The following KCNAB2 variants were observed in gnomAD, a reference collection of about 807,000 sequenced individuals.
KCNAB2 encodes potassium voltage-gated channel subfamily A regulatory beta subunit 2, also known as voltage-gated potassium channel subunit beta-2.
Under a neutral mutation model 63.6 loss-of-function variants are expected in KCNAB2, and 29 were observed. That is an observed-to-expected ratio of 0.46 (90% CI 0.34 to 0.62). The LOEUF (loss-of-function observed/expected upper bound fraction) is 0.62. Among genes scored for constraint, KCNAB2 ranks in the 20% least tolerant of loss-of-function variants. The pLI is 0.01. For missense variants in KCNAB2, 359 were observed against 563.9 expected, an observed-to-expected ratio of 0.64 and a Z score of 3.68; for synonymous variants, 222 against 224.2, an observed-to-expected ratio of 0.99 and a Z score of 0.09.
intron 2 of KCNAB2, among the ~76,000 whole-genome samples, chr1:6,066,420 T>C (rs986126061): frequency 3.3e-5 from 5 of 152,242 alleles, no homozygotes; most frequent in African/African-American, 1.2e-4. Context: ...CGGGAGGGGC[T>C]GTGCTTAGTG....
rs1321326938 is a variant in KCNAB2, at chr1:6,069,203, G to T, written c.219-3552G>T. The stretch of plus-strand genomic sequence containing the variant: ...TGCACGGAGCAGACAGGCGAGCAGG[G>T]CACTAACAGGAGCCACCCCATGTGC... On this transcript the variant is annotated intron_variant, in intron 2 of 15. Coordinates refer to ENST00000378083, the MANE Select transcript of KCNAB2 (RefSeq NM_001199862.2). This position sits in a 1 kb window ranked among gnomAD's most constrained non-coding sequence, Gnocchi z 5.4. Among the ~76,000 whole-genome samples the T allele has an allele frequency of 6.6e-6, 1 of 152,186 alleles. No homozygotes were observed. Among genetic ancestry groups the T allele is most frequent in the Non-Finnish European group, 1.5e-5 (1 of 68,034 alleles).
At chr1:6,067,391 G>A (rs1472304024) in intron 2 of KCNAB2, among the ~76,000 whole-genome samples, 2 of 152,208 alleles carry the variant, frequency 1.3e-5, no homozygotes, top group Admixed American at 1.3e-4. Context: ...AATCTTCTGG[G>A]TTTATAGCTG....
At chr1:6,013,647 CCT>C (rs1338217358) in intron 1 of KCNAB2, among the ~76,000 whole-genome samples, 1 of 152,146 alleles carries the variant, frequency 6.6e-6, no homozygotes, top group Admixed American at 6.5e-5. Flanking sequence ...CACCTGCACC[CCT>C]GTCTTCCCCC....
chr1:6,052,129 G>T (rs1382850925), intron 2 of KCNAB2, among the ~76,000 whole-genome samples: 1 of 151,316 alleles, frequency 6.6e-6, no homozygotes. Flanking sequence ...ATGTATAAAG[G>T]AAGAAAATGA....
chr1:6,095,829 T>G lies in KCNAB2; in HGVS notation c.948+205T>G, dbSNP rs548770506. ...CCATGTGTAGAGGGGCTGCCCAGCC[T>G]GTGGCACAGGCCCAAGTGGAGAGGC... On this transcript the variant is annotated intron_variant, in intron 13 of 15. Coordinates refer to ENST00000378083, the MANE Select transcript of KCNAB2 (RefSeq NM_001199862.2). 4.7e-4 allele frequency among the ~76,000 whole-genome samples: 71 copies of G among 151,542 alleles called. 1 individual carries two copies. Among genetic ancestry groups the G allele is most frequent in the Admixed American group, 2.4e-3 (36 of 15,248 alleles).
At position 6,020,287 on chromosome 1, in the gene KCNAB2, GAGA is replaced by G. The variant is rs1366871884; in HGVS notation, c.-52-20225_-52-20223del. Among the ~76,000 whole-genome samples the G allele has an allele frequency of 1.4e-4, 22 of 152,268 alleles. 1 individual carries two copies. Among genetic ancestry groups the G allele is most frequent in the Non-Finnish European group, 2.9e-4 (20 of 68,024 alleles). Reference sequence around the variant, plus strand: ...AACCACTGTGAGGTCCCCATTAAAGGAGAAGAATTTTGGTGGTCCCCAGACAGG... The same window carrying G: ...AACCACTGTGAGGTCCCCATTAAAGGAGAATTTTGGTGGTCCCCAGACAGG... On this transcript the variant is annotated intron_variant, in intron 1 of 16. Coordinates refer to the KCNAB2 transcript ENST00000341524.
At position 6,096,427 on chromosome 1, in the gene KCNAB2, C is replaced by G. The variant is rs1557517927; in HGVS notation, c.949-209C>G. ...TGCACTTCAGAGCCTGGACAGGCCCCGCTCATCCACCAGCCCGTGCCCGGC... is the reference window on the plus strand; with the variant it reads ...TGCACTTCAGAGCCTGGACAGGCCCGGCTCATCCACCAGCCCGTGCCCGGC... On this transcript the variant is annotated intron_variant, in intron 13 of 15. Transcript: ENST00000378083. This position sits in a 1 kb window ranked among gnomAD's most constrained non-coding sequence, Gnocchi z 5.9. 1 of 643,064 alleles carries G rather than the reference C, an allele frequency of 1.6e-6. No individual in the cohort carries two copies. The highest frequency in any genetic ancestry group is 2.0e-5 in the South Asian group (1 of 49,836). 39.8% of individuals were successfully genotyped at this position (643,064 alleles called of 1,614,324 possible).
chr1:6,015,560 T>C (rs1658443254), intron 1 of KCNAB2, among the ~76,000 whole-genome samples: 1 of 152,256 alleles, frequency 6.6e-6, no homozygotes, highest in Non-Finnish European at 1.5e-5. Context: ...TGCCCTTCCC[T>C]GCCATAGCTG....
At chr1:6,022,594 C>G (rs1658911159) in intron 1 of KCNAB2, among the ~76,000 whole-genome samples, 1 of 152,120 alleles carries the variant, frequency 6.6e-6, no homozygotes, top group African/African-American at 2.4e-5. Flanking sequence ...TCTCCAGAAC[C>G]TTTTTATTCT....
chr1:6,086,189 C>T lies in KCNAB2; in HGVS notation c.425+941C>T. 2.0e-6 allele frequency: 2 copies of T among 985,290 alleles called. No individual in the cohort carries two copies. Among genetic ancestry groups the T allele is most frequent in the Non-Finnish European group, 2.4e-6 (2 of 829,816 alleles). 61.0% of individuals were successfully genotyped at this position (985,290 alleles called of 1,614,324 possible). ...CAGAAGCAGTTATAAAGTTGGGCCT[C>T]CCTCCTCCCTCCCCTCGAAATGCCA... On this transcript the variant is annotated intron_variant, in intron 6 of 15. Coordinates refer to ENST00000378083, the MANE Select transcript of KCNAB2 (RefSeq NM_001199862.2). This position sits in a 1 kb window ranked among gnomAD's most constrained non-coding sequence, Gnocchi z 4.2.
chr1:6,015,040 T>G (rs867748783), intron 1 of KCNAB2, among the ~76,000 whole-genome samples: 79 of 145,026 alleles, frequency 5.4e-4, no homozygotes, highest in African/African-American at 1.9e-3. Context: ...TTTTTTTTTT[T>G]TTGTTTTTTG....
In KCNAB2 at chr1:6,028,504, A is replaced by G. The variant is rs1364605900; in HGVS notation, c.-52-12013A>G. Among the ~76,000 whole-genome samples the G allele has an allele frequency of 1.3e-5, 2 of 152,222 alleles. No homozygotes were observed. The highest frequency in any genetic ancestry group is 4.8e-5 in the African/African-American group (2 of 41,458). ...AGTCCTCGCCCCGAGGCCTTCCGGA[A>G]GACACCCAGGACGTCACACCTAGCC... On this transcript the variant is annotated intron_variant, in intron 1 of 16. Transcript: ENST00000341524. The surrounding 1 kb of genome is among the most constrained non-coding windows in gnomAD (Gnocchi z 4.0).
rs545111640 is a variant in KCNAB2 at position 6,059,469 on chromosome 1, C to T, written c.218+7715C>T. Among the ~76,000 whole-genome samples the T allele has an allele frequency of 1.2e-3, 185 of 152,296 alleles. 1 individual carries two copies. The highest frequency in any genetic ancestry group is 4.5e-3 in the African/African-American group (185 of 41,554). ...CCTCCCAAAGTGCTGAGATTATAGG[C>T]ATGAGCCACTGTGCCCAGCCACACC... On this transcript the variant is annotated intron_variant, in intron 2 of 15. Coordinates refer to ENST00000378083, the MANE Select transcript of KCNAB2 (RefSeq NM_001199862.2).
At chr1:6,052,725 A>C (rs1661497613) in intron 2 of KCNAB2, among the ~76,000 whole-genome samples, 1 of 152,172 alleles carries the variant, frequency 6.6e-6, no homozygotes, top group South Asian at 2.1e-4. Context: ...TGTGAGAGCC[A>C]TTCAGCCAAA....
chr1:6,014,157 A>G (rs562755235), intron 1 of KCNAB2, among the ~76,000 whole-genome samples: 2 of 152,354 alleles, frequency 1.3e-5, no homozygotes, highest in Non-Finnish European at 1.5e-5. Context: ...CAGCTCTGAC[A>G]TCGCTGCCCA....
At chr1:6,006,762 G>GC (rs1657818989) in intron 1 of KCNAB2, among the ~76,000 whole-genome samples, 1 of 147,044 alleles carries the variant, frequency 6.8e-6, no homozygotes, top group Non-Finnish European at 1.5e-5. Context: ...TCACCCCTCA[G>GC]TGCTCTGTCA....
chr1:6,010,623 A>C (rs1658095251), intron 1 of KCNAB2, among the ~76,000 whole-genome samples: 1 of 152,138 alleles, frequency 6.6e-6, no homozygotes, highest in East Asian at 1.9e-4. Flanking sequence ...CAGTTCCTTT[A>C]GTTCACAGCC....
intron 11 of KCNAB2, among the ~76,000 whole-genome samples, chr1:6,094,930 C>G (rs1665493627): frequency 6.6e-6 from 1 of 152,246 alleles, no homozygotes; most frequent in Non-Finnish European, 1.5e-5. Flanking sequence ...CAGGGACCCT[C>G]TCACATGCAA....
intron 1 of KCNAB2, among the ~76,000 whole-genome samples, chr1:6,027,677 C>T (rs1659298776): frequency 6.6e-6 from 1 of 152,190 alleles, no homozygotes; most frequent in Non-Finnish European, 1.5e-5. Context: ...ATTGAAATTT[C>T]TAGCTTGTGA....
Sources: allele counts gnomAD v4.1 joint callset (sites outside exome capture counted in the v4.1 genomes callset), GRCh38; gene constraint gnomAD v4.1.1; non-coding constraint Gnocchi (gnomAD v3.1); transcripts MANE v1.5; gene names NCBI Gene and HGNC (gene_info 2026-07-23, HGNC 2026-07-21).